MRRF: variants seen among roughly 807,000 people sequenced by gnomAD.
The protein encoded by MRRF is mitochondrial ribosome recycling factor, also known as ribosome-recycling factor, mitochondrial.
Under a neutral mutation model 25.1 loss-of-function variants are expected in MRRF, and 18 were observed. That is an observed-to-expected ratio of 0.72 (90% CI 0.50 to 1.06). The LOEUF is 1.06. Ranked by LOEUF, MRRF falls within the 50% of genes least tolerant of loss-of-function variation. MRRF has a pLI of 0.00. For synonymous variants in MRRF, 113 were observed against 112.1 expected (o/e 1.01, Z -0.05); for missense variants, 323 against 319.3 (o/e 1.01, Z -0.09).
chr9:122,281,968 T>C (rs762891392), intron 3 of MRRF, among the ~76,000 whole-genome samples: 1 of 152,190 alleles, frequency 6.6e-6, no homozygotes, highest in African/African-American at 2.4e-5. Flanking sequence ...AAAGCCTGTG[T>C]TGGGACTTCT....
chr9:122,286,892 C>CT (rs1833447883), intron 4 of MRRF, among the ~76,000 whole-genome samples: 1 of 152,146 alleles, frequency 6.6e-6, no homozygotes. Context: ...GATCTTGCCT[C>CT]TGTTTTTTCA....
chr9:122,323,287 A>C lies in MRRF; in HGVS notation c.*670A>C. On this transcript the variant is annotated 3_prime_UTR_variant, in exon 7 of 7. Transcript: ENST00000344641. ...CTGGGAAGTCTTCTTTTCCCCTCTA[A>C]CCTAGGACCCTCATTACCGGCTCTC... 1 of 156,212 alleles carries C rather than the reference A, an allele frequency of 6.4e-6. No homozygotes were observed. The highest frequency in any genetic ancestry group is 1.4e-5 in the Non-Finnish European group (1 of 70,324). The allele number at this position is 156,212 out of a possible 1,614,324, so 9.7% of individuals were successfully genotyped here.
intron 2 of MRRF, among the ~76,000 whole-genome samples, chr9:122,276,166 G>T (rs1038270691): frequency 2.0e-5 from 3 of 151,886 alleles, no homozygotes. Flanking sequence ...CGCCCACCTT[G>T]GGCTCCCAAA....
intron 1 of MRRF, among the ~76,000 whole-genome samples, chr9:122,267,224 T>C: frequency 6.6e-6 from 1 of 151,642 alleles, no homozygotes; most frequent in Non-Finnish European, 1.5e-5. Context: ...ACTTAAAATA[T>C]ATAAAAGTTA....
chr9:122,286,014 G>C (rs1447999601), intron 4 of MRRF: 1 of 1,301,950 alleles, frequency 7.7e-7, no homozygotes, highest in Admixed American at 2.3e-5. Context: ...GAAGGTAATT[G>C]GGCTTTTTGT....
At chr9:122,282,378 T>A (rs911632585) in intron 3 of MRRF, among the ~76,000 whole-genome samples, 1 of 152,258 alleles carries the variant, frequency 6.6e-6, no homozygotes, top group African/African-American at 2.4e-5. Flanking sequence ...GCACTTTTTC[T>A]GTGCTGATTA....
chr9:122,286,181 C>T, intron 4 of MRRF: 1 of 1,288,294 alleles, frequency 7.8e-7, no homozygotes. Flanking sequence ...AGGAATCCTC[C>T]TGTTCTTATT....
intron 5 of MRRF, among the ~76,000 whole-genome samples, chr9:122,296,605 C>G (rs1256975640): frequency 6.6e-6 from 1 of 152,144 alleles, no homozygotes; most frequent in East Asian, 1.9e-4. Flanking sequence ...TCTTCCTGTT[C>G]CTGTCTCCTG....
chr9:122,320,099 C>G (rs983815964), intron 6 of MRRF, among the ~76,000 whole-genome samples: 7 of 151,866 alleles, frequency 4.6e-5, no homozygotes, highest in Non-Finnish European at 8.8e-5. Context: ...GTCTCAAACT[C>G]CTCGACTCAA....
At position 122,323,273 on chromosome 9, in the gene MRRF, TC is replaced by T. The variant is rs1171875621; in HGVS notation, c.*657del. On this transcript the variant is annotated 3_prime_UTR_variant, in exon 7 of 7. Coordinates refer to ENST00000344641, the MANE Select transcript of MRRF (RefSeq NM_138777.5). ...GGATATCACGTCCTCTGGGAAGTCT[TC>T]TTTTCCCCTCTAACCTAGGACCCTC... 1.3e-5 allele frequency: 2 copies of T among 156,914 alleles called. No homozygotes were observed. 9.7% of individuals were successfully genotyped at this position (156,914 alleles called of 1,614,324 possible).
At chr9:122,271,745 T>C (rs545077295) in intron 2 of MRRF, among the ~76,000 whole-genome samples, 1 of 152,344 alleles carries the variant, frequency 6.6e-6, no homozygotes, top group African/African-American at 2.4e-5. Context: ...ATATTGTTCT[T>C]ATTTAGCACC....
At chr9:122,268,902 A>C (rs1832278109) in intron 1 of MRRF, among the ~76,000 whole-genome samples, 1 of 152,134 alleles carries the variant, frequency 6.6e-6, no homozygotes, top group African/African-American at 2.4e-5. Flanking sequence ...GCGGTGGCTC[A>C]CGCCTGTAAT....
At chr9:122,285,077 C>T in intron 3 of MRRF, 92 bp from the exon 4 acceptor site, 2 of 814,830 alleles carry the variant, frequency 2.5e-6, no homozygotes, top group South Asian at 2.9e-5. Flanking sequence ...GCATGAGCCA[C>T]TGCATCCAAC....
At chr9:122,289,808 G>C (rs912935768) in intron 4 of MRRF, among the ~76,000 whole-genome samples, 11 of 151,900 alleles carry the variant, frequency 7.2e-5, no homozygotes, top group African/African-American at 2.4e-4. Flanking sequence ...TGGGTGGATC[G>C]CTTGAGCCCA....
At chr9:122,296,617 T>G (rs1196425228) in intron 5 of MRRF, among the ~76,000 whole-genome samples, 1 of 152,178 alleles carries the variant, frequency 6.6e-6, no homozygotes, top group African/African-American at 2.4e-5. Context: ...TGTCTCCTGA[T>G]AGAAGATTTA....
At chr9:122,283,729 T>G (rs1833218008) in intron 3 of MRRF, among the ~76,000 whole-genome samples, 1 of 152,214 alleles carries the variant, frequency 6.6e-6, no homozygotes, top group Non-Finnish European at 1.5e-5. Context: ...TCCCCCCTTT[T>G]CTCTTTGTGT....
Position 122,313,322 on chromosome 9 carries a change from T to G in MRRF, c.647T>G (p.Met216Arg). The G allele has an allele frequency of 6.2e-7, 1 of 1,614,086 alleles. No individual in the cohort carries two copies. Among genetic ancestry groups the G allele is most frequent in the Non-Finnish European group, 8.5e-7 (1 of 1,179,936 alleles). Residue 216 changes from methionine (M) to arginine (R), a missense_variant, in exon 6 of 7, where the codon ATG becomes AGG. Physicochemically the swap from Met to Arg is moderately conservative, Grantham distance 91 (BLOSUM62 -1). Transcript: ENST00000344641. Reference protein sequence around the residue: ...DSLRKVRTNSMNKLKKSKDTV... With the variant: ...DSLRKVRTNSRNKLKKSKDTV... Reference sequence around the variant, plus strand: ...TTACGGAAGGTTCGCACCAACTCAATGAACAAGCTGAAGAAATCCAAGGAT... The same window carrying G: ...TTACGGAAGGTTCGCACCAACTCAAGGAACAAGCTGAAGAAATCCAAGGAT...
chr9:122,265,594 A>G (rs909343488), intron 1 of MRRF: 1 of 397,038 alleles, frequency 2.5e-6, no homozygotes, highest in Non-Finnish European at 4.8e-6. Context: ...ATTTCCCCCC[A>G]TTTTGGAAAG....
intron 1 of MRRF, among the ~76,000 whole-genome samples, chr9:122,266,174 A>G (rs548067851): frequency 6.6e-6 from 1 of 152,394 alleles, no homozygotes; most frequent in African/African-American, 2.4e-5. Flanking sequence ...GTGAACAAGA[A>G]AATCATAGAT....
Sources: allele counts gnomAD v4.1 joint callset (sites outside exome capture counted in the v4.1 genomes callset), GRCh38; gene constraint gnomAD v4.1.1; transcripts MANE v1.5; gene names NCBI Gene and HGNC (gene_info 2026-07-23, HGNC 2026-07-21).